The following ZFHX3 variants were observed in gnomAD, a reference collection of about 807,000 sequenced individuals.
ZFHX3 encodes zinc finger homeobox 3.
Under a neutral mutation model 279.1 loss-of-function variants are expected in ZFHX3, and 42 were observed. The ratio of observed to expected loss-of-function variants is 0.15; its 90% CI spans 0.12 to 0.19. The LOEUF (loss-of-function observed/expected upper bound fraction) is 0.19, where lower values mean the gene tolerates loss of function less well. ZFHX3 is among the 10% of genes least tolerant of loss of function. The probability of loss-of-function intolerance (pLI) is 1.00; values close to 1 mark genes in which losing one functional copy is unlikely to be tolerated. For missense variants in ZFHX3, 4,981 were observed against 4,754.0 expected, an observed-to-expected ratio of 1.05 and a Z score of -1.40; for synonymous variants, 2,293 against 1,957.8, an observed-to-expected ratio of 1.17 and a Z score of -4.52.
intron 4 of ZFHX3, among the ~76,000 whole-genome samples, chr16:73,259,824 T>C (rs779790305): frequency 2.0e-5 from 3 of 152,226 alleles, no homozygotes; most frequent in Non-Finnish European, 4.4e-5. Flanking sequence ...ATTTTTCCAA[T>C]GATGTTAACT....
At chr16:72,923,434 G>C (rs1326144538) in intron 3 of ZFHX3, among the ~76,000 whole-genome samples, 2 of 143,064 alleles carry the variant, frequency 1.4e-5, no homozygotes, top group African/African-American at 5.2e-5. Flanking sequence ...GACAGAGTGA[G>C]ACCTGTCTCA....
chr16:72,797,962 T>C lies in ZFHX3; in HGVS notation c.4720A>G (p.Lys1574Glu). Residue 1574 changes from lysine (K) to glutamate (E), a missense_variant, in exon 9 of 10, where the codon AAG becomes GAG. Transcript: ENST00000268489. ...GTTGCTGATTCTTGAAGGGCTCTCTTTAACTTATGCAGGTGGGAGACAGAA... is the reference window on the plus strand; with the variant it reads ...GTTGCTGATTCTTGAAGGGCTCTCTCTAACTTATGCAGGTGGGAGACAGAA... ...YNSVSHLHKL[K>E]RALQESATGQ... 1 of 1,614,200 alleles carries C rather than the reference T, an allele frequency of 6.2e-7. No homozygotes were observed. The highest frequency in any genetic ancestry group is 8.5e-7 in the Non-Finnish European group (1 of 1,180,036).
At chr16:73,838,309 C>T (rs1197227405) in intron 1 of ZFHX3, among the ~76,000 whole-genome samples, 1 of 152,172 alleles carries the variant, frequency 6.6e-6, no homozygotes, top group Non-Finnish European at 1.5e-5. Context: ...TCTATTGAAA[C>T]AAAATGGCAA....
intron 4 of ZFHX3, among the ~76,000 whole-genome samples, chr16:73,287,493 T>G (rs1178590441): frequency 7.1e-6 from 1 of 140,686 alleles, no homozygotes; most frequent in African/African-American, 2.7e-5. Context: ...TGTGGGTTGA[T>G]GAGTGGCTAT....
chr16:72,931,411 A>G (rs80346385), intron 3 of ZFHX3, among the ~76,000 whole-genome samples: 2,128 of 41,094 alleles, frequency 0.052, 52 homozygotes, highest in African/African-American at 0.2. Context: ...CATTACACAC[A>G]CACACACACA....
At chr16:73,756,083 G>A (rs1235073788) in intron 1 of ZFHX3, among the ~76,000 whole-genome samples, 1 of 152,188 alleles carries the variant, frequency 6.6e-6, no homozygotes, top group Non-Finnish European at 1.5e-5. Context: ...TTTTGTAAGA[G>A]TCTGTGATGG....
chr16:73,498,873 G>A (rs1002851543), intron 2 of ZFHX3, among the ~76,000 whole-genome samples: 9 of 152,146 alleles, frequency 5.9e-5, no homozygotes, highest in African/African-American at 4.8e-5. Flanking sequence ...ATAGCTGGGC[G>A]GGGCAGGGAG....
intron 3 of ZFHX3, among the ~76,000 whole-genome samples, chr16:72,910,188 C>G (rs1307892663): frequency 2.6e-5 from 4 of 152,152 alleles, no homozygotes; most frequent in Admixed American, 2.0e-4. Context: ...CTGTAACTGA[C>G]GCCACTTTGA....
At chr16:73,788,746 A>G (rs1249905514) in intron 1 of ZFHX3, among the ~76,000 whole-genome samples, 1 of 151,308 alleles carries the variant, frequency 6.6e-6, no homozygotes, top group Non-Finnish European at 1.5e-5. Flanking sequence ...ATATATCTAT[A>G]TATAGATCAT....
At chr16:73,874,055 T>G (rs2029881394) in intron 1 of ZFHX3, among the ~76,000 whole-genome samples, 1 of 152,204 alleles carries the variant, frequency 6.6e-6, no homozygotes, top group Non-Finnish European at 1.5e-5. Flanking sequence ...TAGGGTCAGA[T>G]GAATGCAATA....
intron 5 of ZFHX3, among the ~76,000 whole-genome samples, chr16:73,173,132 C>G (rs1369099476): frequency 2.0e-5 from 3 of 148,328 alleles, no homozygotes; most frequent in Non-Finnish European, 4.4e-5. Flanking sequence ...TCCTCACTTT[C>G]TCTGAAGCAA....
chr16:73,604,064 C>T lies in ZFHX3; in HGVS notation c.-1547+76116G>A, dbSNP rs543591345. Among the ~76,000 whole-genome samples, 11 of 152,078 alleles carry T rather than the reference C, an allele frequency of 7.2e-5. No homozygotes were observed. In the South Asian group the frequency reaches 1.0e-3, roughly 14 times the overall value. On this transcript the variant is annotated intron_variant, in intron 2 of 17. Transcript: ENST00000641206. ...CAGTGCTGATTACAAGCATGAGCCA[C>T]CAAGCCCAGCCATTCTATATTATTA...
At chr16:73,750,777 A>G (rs1332158718) in intron 1 of ZFHX3, among the ~76,000 whole-genome samples, 4 of 152,160 alleles carry the variant, frequency 2.6e-5, no homozygotes, top group African/African-American at 9.7e-5. Context: ...ATGAGACCAG[A>G]CTCGGAACAT....
intron 2 of ZFHX3, among the ~76,000 whole-genome samples, chr16:73,518,033 T>A (rs974467015): frequency 2.0e-5 from 3 of 152,220 alleles, no homozygotes; most frequent in African/African-American, 7.2e-5. Context: ...GTAAACAAAT[T>A]ATTGAGATGC....
At chr16:73,488,780 G>A (rs2019014300) in intron 2 of ZFHX3, among the ~76,000 whole-genome samples, 1 of 152,100 alleles carries the variant, frequency 6.6e-6, no homozygotes, top group Non-Finnish European at 1.5e-5. Context: ...TGAAGTTGAG[G>A]TCCAATATAT....
intron 5 of ZFHX3, among the ~76,000 whole-genome samples, chr16:73,152,972 T>C (rs4788705): frequency 0.48 from 73,316 of 151,794 alleles, 20,102 homozygotes; most frequent in African/African-American, 0.74. Flanking sequence ...GCAGTTGCTG[T>C]GAAGGGGGAG....
In ZFHX3 at chr16:73,089,676, G is replaced by A. The variant is rs533158934; in HGVS notation, c.-533+3559C>T. 3.9e-5 allele frequency among the ~76,000 whole-genome samples: 6 copies of A among 152,294 alleles called. No homozygotes were observed. The East Asian group carries it at 1.2e-3, about 29-fold the overall frequency. ...TTCAAGATTCATCCCTGGATAGGATGAATGTACCAGGGAAGGCTCTCATCC... is the reference window on the plus strand; with the variant it reads ...TTCAAGATTCATCCCTGGATAGGATAAATGTACCAGGGAAGGCTCTCATCC... On this transcript the variant is annotated intron_variant, in intron 8 of 17. Transcript: ENST00000641206.
chr16:73,151,579 A>G (rs1214190795), intron 5 of ZFHX3, among the ~76,000 whole-genome samples: 1 of 77,202 alleles, frequency 1.3e-5, no homozygotes, highest in Non-Finnish European at 2.6e-5. Context: ...GGGCATAGGA[A>G]TGGCAGTGAT....
chr16:73,768,886 G>A (rs749610693), intron 1 of ZFHX3, among the ~76,000 whole-genome samples: 7 of 152,118 alleles, frequency 4.6e-5, no homozygotes, highest in Non-Finnish European at 8.8e-5. Flanking sequence ...TTCCAGCTGA[G>A]GGAAAGGAAG....
Sources: allele counts gnomAD v4.1 joint callset (sites outside exome capture counted in the v4.1 genomes callset), GRCh38; gene constraint gnomAD v4.1.1; transcripts MANE v1.5; gene names NCBI Gene and HGNC (gene_info 2026-07-23, HGNC 2026-07-21).